CCND3: variants seen among roughly 807,000 people sequenced by gnomAD.
CCND3 encodes cyclin D3.
In CCND3, 9 loss-of-function variants were observed where a neutral mutation model predicts 28.7. The ratio of observed to expected loss-of-function variants is 0.31; its 90% CI spans 0.19 to 0.55. The LOEUF is 0.55. Ranked by LOEUF, CCND3 falls within the 20% of genes least tolerant of loss-of-function variation. The probability of loss-of-function intolerance (pLI) is 0.93; values close to 1 mark genes in which losing one functional copy is unlikely to be tolerated. For missense variants in CCND3, 315 were observed against 385.8 expected (o/e 0.82, Z 1.54); for synonymous variants, 164 against 163.9 (o/e 1.00, Z 0.00).
intron 1 of CCND3, among the ~76,000 whole-genome samples, chr6:41,997,297 T>C (rs534860958): frequency 5.9e-5 from 9 of 152,300 alleles, no homozygotes; most frequent in African/African-American, 2.2e-4. Flanking sequence ...GTTAGTACTT[T>C]CAGAGGAATT....
In CCND3 at chr6:41,947,352, G is replaced by A. The variant is rs139070680; in HGVS notation, c.-45-6767C>T. ...TTTTTAGTTTCCATTTTATACTGGA[G>A]GCTGCCTTCTTGGCAACACCACAAG... On this transcript the variant is annotated intron_variant, in intron 1 of 4. Coordinates refer to the CCND3 transcript ENST00000372988. Among the ~76,000 whole-genome samples the A allele has an allele frequency of 2.7e-3, 405 of 152,270 alleles. 5 individuals are homozygous for A. The highest frequency in any genetic ancestry group is 0.01 in the Middle Eastern group (3 of 294).
chr6:41,982,195 G>A (rs1010312916), intron 1 of CCND3, among the ~76,000 whole-genome samples: 3 of 151,540 alleles, frequency 2.0e-5, no homozygotes, highest in East Asian at 3.9e-4. Flanking sequence ...GCTTGAGCCC[G>A]GGAGGCTGAG....
At chr6:42,027,551 T>C (rs560953142) in intron 1 of CCND3, among the ~76,000 whole-genome samples, 24 of 152,132 alleles carry the variant, frequency 1.6e-4, no homozygotes, top group Admixed American at 1.0e-3. Flanking sequence ...GAACTGACCA[T>C]TTCTCAATTG....
At chr6:41,971,871 T>C (rs79334131) in intron 1 of CCND3, among the ~76,000 whole-genome samples, 15,478 of 150,606 alleles carry the variant, frequency 0.1, 1,196 homozygotes, top group East Asian at 0.34. Context: ...TGATCACACA[T>C]TGCATTTACT....
chr6:41,992,899 C>A (rs962885359), intron 1 of CCND3, among the ~76,000 whole-genome samples: 16 of 151,948 alleles, frequency 1.1e-4, no homozygotes, highest in Non-Finnish European at 1.9e-4. Flanking sequence ...AGCCTCTGTG[C>A]CTGGCCTTGT....
At chr6:42,027,593 T>C (rs1379137582) in intron 1 of CCND3, among the ~76,000 whole-genome samples, 2 of 152,152 alleles carry the variant, frequency 1.3e-5, no homozygotes, top group African/African-American at 4.8e-5. Flanking sequence ...GAAACCACTG[T>C]ACTCAGGCCA....
At chr6:41,996,976 T>G (rs1762828170) in intron 1 of CCND3, among the ~76,000 whole-genome samples, 1 of 152,190 alleles carries the variant, frequency 6.6e-6, no homozygotes, top group South Asian at 2.1e-4. Flanking sequence ...TTACCCATTT[T>G]TATATCCTGC....
At chr6:41,988,783 C>T (rs964792891) in intron 1 of CCND3, among the ~76,000 whole-genome samples, 2 of 145,584 alleles carry the variant, frequency 1.4e-5, no homozygotes, top group Non-Finnish European at 3.0e-5. Context: ...ACTGCAAGCT[C>T]CGCCTCCCGG....
chr6:42,039,273 C>G (rs940408079), intron 1 of CCND3, among the ~76,000 whole-genome samples: 1 of 152,152 alleles, frequency 6.6e-6, no homozygotes, highest in Non-Finnish European at 1.5e-5. Flanking sequence ...GACTTTGAAC[C>G]CAACACTGTG....
intron 1 of CCND3, among the ~76,000 whole-genome samples, chr6:41,997,126 A>C (rs530866964): frequency 2.0e-5 from 3 of 152,314 alleles, no homozygotes; most frequent in East Asian, 3.9e-4. Context: ...TCTTTGACAA[A>C]GGAGGCTGAT....
chr6:41,987,553 GTGTT>G (rs1762526592), intron 1 of CCND3, among the ~76,000 whole-genome samples: 1 of 144,928 alleles, frequency 6.9e-6, no homozygotes, highest in Non-Finnish European at 1.5e-5. Flanking sequence ...GTGTGTGTGT[GTGTT>G]TTAGAGACAG....
At chr6:41,995,146 C>T (rs972227076) in intron 1 of CCND3, among the ~76,000 whole-genome samples, 1 of 152,066 alleles carries the variant, frequency 6.6e-6, no homozygotes, top group Non-Finnish European at 1.5e-5. Context: ...TAAGAACATA[C>T]AAATGGTTAT....
At chr6:41,967,935 A>G (rs1307554482) in intron 1 of CCND3, among the ~76,000 whole-genome samples, 2 of 152,156 alleles carry the variant, frequency 1.3e-5, no homozygotes, top group African/African-American at 4.8e-5. Flanking sequence ...AAATGCTTCA[A>G]ATGTTTTTGC....
intron 1 of CCND3, among the ~76,000 whole-genome samples, chr6:42,036,432 C>T (rs1764222481): frequency 1.9e-5 from 1 of 51,386 alleles, no homozygotes; most frequent in Non-Finnish European, 3.6e-5. Context: ...TTTTTTGACA[C>T]AGGGTCTCCC....
At position 41,941,075 on chromosome 6, in the gene CCND3, C is replaced by A. The variant is rs536107611; in HGVS notation, c.198+377G>T. ...CAGAACCCCGCGAAAGACACAGGAA[C>A]CGGCTCCCGGGCGGGGGCGGCCGAG... On this transcript the variant is annotated intron_variant, in intron 1 of 4. Coordinates refer to ENST00000372991, the MANE Select transcript of CCND3 (RefSeq NM_001760.5). The surrounding 1 kb of genome is among the most constrained non-coding windows in gnomAD (Gnocchi z 6.1). 22 of 1,566,432 alleles carry A rather than the reference C, an allele frequency of 1.4e-5. No individual in the cohort carries two copies. Among genetic ancestry groups the A allele is most frequent in the Admixed American group, 1.9e-5 (1 of 53,480 alleles).
intron 1 of CCND3, among the ~76,000 whole-genome samples, chr6:41,990,869 C>T (rs998822456): frequency 6.6e-6 from 1 of 151,510 alleles, no homozygotes; most frequent in African/African-American, 2.4e-5. Flanking sequence ...TTAGTAGAGT[C>T]GGAGTTTCAC....
At chr6:41,958,516 A>T (rs975613693) in intron 1 of CCND3, among the ~76,000 whole-genome samples, 7 of 152,196 alleles carry the variant, frequency 4.6e-5, no homozygotes, top group African/African-American at 1.7e-4. Context: ...GGCCACAAAC[A>T]ATACAAAGAC....
chr6:42,027,828 A>C (rs1020120022), intron 1 of CCND3, among the ~76,000 whole-genome samples: 1 of 151,744 alleles, frequency 6.6e-6, no homozygotes, highest in Non-Finnish European at 1.5e-5. Flanking sequence ...GCTCACGGCA[A>C]CCTCCGCCTC....
upstream of CCND3, chr6:41,941,954 C>G (rs903557951): frequency 1.7e-4 from 29 of 171,576 alleles, no homozygotes; most frequent in Non-Finnish European, 2.5e-4. This position sits in a 1 kb window ranked among gnomAD's most constrained non-coding sequence, Gnocchi z 6.1. Flanking sequence ...GGCCGCTGAG[C>G]GCAAGCCGGC....
Sources: allele counts gnomAD v4.1 joint callset (sites outside exome capture counted in the v4.1 genomes callset), GRCh38; gene constraint gnomAD v4.1.1; non-coding constraint Gnocchi (gnomAD v3.1); transcripts MANE v1.5; gene names NCBI Gene and HGNC (gene_info 2026-07-23, HGNC 2026-07-21).